TMEM217: variants seen among roughly 807,000 people sequenced by gnomAD.
TMEM217 encodes the protein chromosome 6 open reading frame 128.
For synonymous variants in TMEM217, 76 were observed against 88.3 expected (o/e 0.86, Z 0.78); for missense variants, 204 against 248.8 (o/e 0.82, Z 1.21).
chr6:37,246,638 C>G (rs1330550580), intron 1 of TMEM217, among the ~76,000 whole-genome samples: 1 of 152,114 alleles, frequency 6.6e-6, no homozygotes, highest in South Asian at 2.1e-4. Flanking sequence ...CATGGTGGTT[C>G]ACGTCTGTAA....
intron 1 of TMEM217, among the ~76,000 whole-genome samples, chr6:37,248,862 G>C (rs1027554771): frequency 4.6e-5 from 7 of 152,166 alleles, no homozygotes; most frequent in Admixed American, 3.9e-4. Context: ...ATAGAAATTT[G>C]TTCTCTTAAG....
intron 1 of TMEM217, among the ~76,000 whole-genome samples, chr6:37,241,329 T>C (rs1028897204): frequency 3.3e-5 from 5 of 152,046 alleles, no homozygotes; most frequent in Admixed American, 3.3e-4. Context: ...AAAAGGTGGC[T>C]GTCTACGTGG....
intron 1 of TMEM217, among the ~76,000 whole-genome samples, chr6:37,230,547 G>A (rs1764140381): frequency 6.6e-6 from 1 of 152,096 alleles, no homozygotes; most frequent in Non-Finnish European, 1.5e-5. Context: ...GAGAAGATTA[G>A]GACACAGACA....
intron 1 of TMEM217, 71 bp downstream of exon 1, chr6:37,257,497 T>C (rs960687999): frequency 5.4e-6 from 1 of 184,370 alleles, no homozygotes; most frequent in Non-Finnish European, 1.2e-5. Context: ...CCAAGAAATA[T>C]TAGACTAAGG....
chr6:37,227,936 AAAGTCACAAAT>A (rs1158250576), intron 1 of TMEM217, among the ~76,000 whole-genome samples: 1 of 152,190 alleles, frequency 6.6e-6, no homozygotes, highest in Non-Finnish European at 1.5e-5. Context: ...TGAGATTTAA[AAAGTCACAAAT>A]AGGAACACAG....
exon 2 of TMEM217, chr6:37,218,912 C>T: frequency 6.2e-7 from 1 of 1,614,160 alleles, no homozygotes; most frequent in Non-Finnish European, 8.5e-7. Flanking sequence ...AGTGCAACTG[C>T]CATTCCCTAG....
intron 1 of TMEM217, among the ~76,000 whole-genome samples, chr6:37,222,933 A>G (rs1042498491): frequency 7.3e-5 from 11 of 151,690 alleles, no homozygotes; most frequent in African/African-American, 2.7e-4. Context: ...AGCTGATTTG[A>G]AAAAGAACCC....
In TMEM217 at chr6:37,257,682, C is replaced by A. The variant is rs1327262007; in HGVS notation, c.-126G>T. 6 of 532,424 alleles carry A rather than the reference C, an allele frequency of 1.1e-5. No individual in the cohort carries two copies. In the Admixed American group the frequency reaches 1.4e-4, roughly 13 times the overall value. 33.0% of individuals were successfully genotyped at this position (532,424 alleles called of 1,614,324 possible). On this transcript the variant is annotated 5_prime_UTR_variant, in exon 1 of 2. Coordinates refer to ENST00000357219, the Ensembl canonical transcript of TMEM217. ...CCCTGACGTTACCGGTCGGCTTCAG[C>A]GGCCTGCAGGATTCCGGCTCCCAAT...
At position 37,218,389 on chromosome 6, in the gene TMEM217, C is replaced by G. The variant is rs573267272; in HGVS notation, c.*33G>C. 17 of 1,480,898 alleles carry G rather than the reference C, an allele frequency of 1.1e-5. No homozygotes were observed. The African/African-American group carries it at 2.1e-4, about 18-fold the overall frequency. The allele number at this position is 1,480,898 out of a possible 1,614,324, so 91.7% of individuals were successfully genotyped here. The stretch of plus-strand genomic sequence containing the variant: ...TTTTGCCATGGCTGCCAAGGCCAGG[C>G]TGGTCTTGAACTCCTGACCTCAGGC... On this transcript the variant is annotated 3_prime_UTR_variant, in exon 2 of 2. Transcript: ENST00000357219.
chr6:37,222,246 C>T lies in TMEM217; in HGVS notation c.-11-3205G>A, dbSNP rs151219112. On this transcript the variant is annotated intron_variant, in intron 1 of 1. Transcript: ENST00000357219. ...CCCCAGCCTTCAGGCTCTCCCTGGC[C>T]TGAGGGTGGGGCCTTACTGAGGACC... Among the ~76,000 whole-genome samples, 682 of 152,340 alleles carry T rather than the reference C, an allele frequency of 4.5e-3. 4 individuals are homozygous for T. The highest frequency in any genetic ancestry group is 0.015 in the African/African-American group (630 of 41,586).
At chr6:37,224,127 CAG>C (rs1247739063) in intron 1 of TMEM217, among the ~76,000 whole-genome samples, 3 of 150,358 alleles carry the variant, frequency 2.0e-5, no homozygotes, top group Non-Finnish European at 4.4e-5. Context: ...TTAGTAGAGA[CAG>C]AGTTTTACCA....
chr6:37,256,432 AAAAG>A (rs2113948118), intron 1 of TMEM217, among the ~76,000 whole-genome samples: 1 of 152,324 alleles, frequency 6.6e-6, no homozygotes, highest in East Asian at 1.9e-4. Context: ...CATCCTAAGA[AAAAG>A]AAGCGCCAGA....
chr6:37,217,226 G>A (rs1046007587), downstream of TMEM217, among the ~76,000 whole-genome samples: 41 of 152,218 alleles, frequency 2.7e-4, no homozygotes, highest in South Asian at 2.1e-4. Flanking sequence ...CCCGGGAGGC[G>A]GGGGTTGCAG....
At chr6:37,250,538 TA>T (rs1765343421) in intron 1 of TMEM217, among the ~76,000 whole-genome samples, 1 of 152,250 alleles carries the variant, frequency 6.6e-6, no homozygotes, top group South Asian at 2.1e-4. Flanking sequence ...CAACATTTAG[TA>T]AAGTGGAAGT....
intron 1 of TMEM217, among the ~76,000 whole-genome samples, chr6:37,223,160 TAGAG>T (rs1763640576): frequency 6.6e-6 from 1 of 151,552 alleles, no homozygotes; most frequent in Non-Finnish European, 1.5e-5. Flanking sequence ...GATGTTCTGA[TAGAG>T]AAAGAGAGAT....
chr6:37,237,087 A>C (rs186449027), intron 1 of TMEM217, among the ~76,000 whole-genome samples: 1 of 152,166 alleles, frequency 6.6e-6, no homozygotes, highest in East Asian at 1.9e-4. Flanking sequence ...TCCCATAGCA[A>C]CACGTTTCCT....
At chr6:37,245,644 G>C (rs773743651) in intron 1 of TMEM217, among the ~76,000 whole-genome samples, 1 of 152,108 alleles carries the variant, frequency 6.6e-6, no homozygotes, top group Non-Finnish European at 1.5e-5. Flanking sequence ...TATATCATGG[G>C]CAGCAAAAAC....
chr6:37,247,638 G>A (rs529740000), intron 1 of TMEM217, among the ~76,000 whole-genome samples: 2 of 152,054 alleles, frequency 1.3e-5, no homozygotes, highest in East Asian at 1.9e-4. Flanking sequence ...CACCCACTTC[G>A]GCCTCCCAAA....
chr6:37,231,826 C>T (rs190101793), intron 1 of TMEM217, among the ~76,000 whole-genome samples: 405 of 149,402 alleles, frequency 2.7e-3, no homozygotes, highest in African/African-American at 9.5e-3. Flanking sequence ...AATGGGGCTA[C>T]TCTGCTCTTG....
Sources: allele counts gnomAD v4.1 joint callset (sites outside exome capture counted in the v4.1 genomes callset), GRCh38; gene constraint gnomAD v4.1.1; transcripts MANE v1.5; gene names NCBI Gene and HGNC (gene_info 2026-07-23, HGNC 2026-07-21).